IRAG2: variants seen among roughly 807,000 people sequenced by gnomAD.
IRAG2 encodes inositol 1,4,5-triphosphate receptor associated 2.
A neutral mutation model predicts 69.9 loss-of-function variants in IRAG2; 45 were observed. The observed-to-expected ratio is 0.64, with a 90% confidence interval of 0.51 to 0.83. IRAG2 has a LOEUF of 0.83. Ranked by LOEUF, IRAG2 falls within the 40% of genes least tolerant of loss-of-function variation. The pLI, the probability that IRAG2 is intolerant of heterozygous loss-of-function variation, is 0.00. For missense variants in IRAG2, 520 were observed against 587.0 expected (o/e 0.89, Z 1.18); for synonymous variants, 193 against 202.4 (o/e 0.95, Z 0.40).
At chr12:25,017,394 C>T (rs1366673746) in intron 6 of IRAG2, 3 of 1,035,200 alleles carry the variant, frequency 2.9e-6, no homozygotes, top group Non-Finnish European at 3.7e-6. Context: ...AAAATTCATT[C>T]TCTTAAAGTA....
intron 14 of IRAG2, 75 bp downstream of exon 14, chr12:25,090,272 C>T (rs1193168478): frequency 8.6e-6 from 12 of 1,394,762 alleles, no homozygotes; most frequent in Non-Finnish European, 1.2e-5. Flanking sequence ...AATCCCTGCA[C>T]TTTGGGAGGC....
intron 15 of IRAG2, chr12:25,097,335 C>T (rs1388135702): frequency 7.3e-5 from 15 of 204,620 alleles, no homozygotes; most frequent in Non-Finnish European, 1.4e-4. Context: ...GTGTTATAAT[C>T]TGCTTTTTAT....
Position 25,101,256 on chromosome 12 carries a change from G to C in IRAG2, c.820G>C (p.Ala274Pro), listed in dbSNP as rs750930511. 1.9e-6 allele frequency: 3 copies of C among 1,612,322 alleles called. No individual in the cohort carries two copies. The highest frequency in any genetic ancestry group is 1.7e-5 in the Admixed American group (1 of 59,926). Residue 274 changes from alanine to proline, a missense_variant, in exon 16 of 22, where the codon GCT (alanine) becomes CCT (proline). Physicochemically the swap from Ala to Pro is conservative, Grantham distance 27. Transcript: ENST00000556887. ...NLKRMYAKEH[A>P]ELEELKQVLL... is the part of the protein sequence containing the mutation. ...GAAGAGGATGTATGCCAAAGAGCAC[G>C]CTGAATTAGAAGAACTGAAACAGGT... is the stretch of plus-strand genomic sequence containing the variant.
chr12:25,089,633 TC>T lies in IRAG2; in HGVS notation c.395del (p.Pro132LeufsTer2). The T allele has an allele frequency of 6.3e-7, 1 of 1,599,962 alleles. No individual in the cohort carries two copies. The highest frequency in any genetic ancestry group is 8.6e-7 in the Non-Finnish European group (1 of 1,168,104). Reference protein sequence around the residue: ...ASGDSVVSPLPVTTVKSVNLR... With the variant: ...ASGDSVVSPLXVTTVKSVNLR... Reference sequence around the variant, plus strand: ...TAATAGACTCTGTGGTTTCCCCTCTTCCTGTAACCACTGTGAAATCGGTTAA... The same window carrying T: ...TAATAGACTCTGTGGTTTCCCCTCTTCTGTAACCACTGTGAAATCGGTTAA... On this transcript the variant is annotated frameshift_variant, in exon 12 of 22. Coordinates refer to ENST00000556887, the MANE Select transcript of IRAG2 (RefSeq NM_001366544.2). LOFTEE classifies it high-confidence loss of function.
intron 1 of IRAG2, among the ~76,000 whole-genome samples, chr12:25,060,365 C>T (rs1591969071): frequency 1.3e-5 from 2 of 152,064 alleles, no homozygotes; most frequent in East Asian, 3.9e-4. Context: ...GGTACTTTTC[C>T]CCCATTTCCA....
intron 15 of IRAG2, among the ~76,000 whole-genome samples, chr12:25,098,311 A>G (rs142301482): frequency 6.6e-6 from 1 of 152,118 alleles, no homozygotes; most frequent in Non-Finnish European, 1.5e-5. Flanking sequence ...TTAAATATCA[A>G]TTTCCCACCC....
intron 14 of IRAG2, among the ~76,000 whole-genome samples, chr12:25,036,379 T>C (rs1944702329): frequency 6.6e-6 from 1 of 152,196 alleles, no homozygotes; most frequent in South Asian, 2.1e-4. Flanking sequence ...CTGTATATAT[T>C]CAACATGTAT....
exon 4 of IRAG2, chr12:25,015,208 G>A (rs1944516884): frequency 8.7e-7 from 1 of 1,150,020 alleles, no homozygotes; most frequent in Non-Finnish European, 1.1e-6. Context: ...AGATTAAGCA[G>A]CATCATCGAT....
intron 14 of IRAG2, among the ~76,000 whole-genome samples, chr12:25,094,384 T>G (rs1458553915): frequency 6.6e-6 from 1 of 152,214 alleles, no homozygotes; most frequent in Admixed American, 6.5e-5. Context: ...TGGTTGAAGA[T>G]CATTTCATAT....
chr12:25,071,054 T>C (rs1215306527), intron 6 of IRAG2, among the ~76,000 whole-genome samples: 4 of 152,180 alleles, frequency 2.6e-5, no homozygotes, highest in Non-Finnish European at 5.9e-5. Context: ...ATTGTTTTTG[T>C]TCATAAATAC....
At chr12:25,030,934 A>G in intron 10 of IRAG2, 1 of 766,518 alleles carries the variant, frequency 1.3e-6, no homozygotes, top group Non-Finnish European at 1.6e-6. Flanking sequence ...TTGAAACCCA[A>G]TTTGATTGAT....
At chr12:25,075,427 C>A (rs1286492576) in intron 6 of IRAG2, among the ~76,000 whole-genome samples, 3 of 151,632 alleles carry the variant, frequency 2.0e-5, no homozygotes, top group Non-Finnish European at 1.5e-5. Context: ...TAAAATAATC[C>A]TGGGATATTA....
chr12:25,019,581 T>C (rs756438698), intron 6 of IRAG2, among the ~76,000 whole-genome samples: 13 of 152,140 alleles, frequency 8.5e-5, no homozygotes, highest in Non-Finnish European at 1.6e-4. Flanking sequence ...CTTCTCTCCT[T>C]CTCTTCCACA....
chr12:25,045,287 T>C (rs1384067396), intron 16 of IRAG2, among the ~76,000 whole-genome samples: 4 of 151,988 alleles, frequency 2.6e-5, no homozygotes, highest in East Asian at 1.9e-4. Flanking sequence ...TAAACACTTA[T>C]ACTAAAAAAG....
chr12:25,088,947 T>C (rs992657876), intron 11 of IRAG2, among the ~76,000 whole-genome samples: 7 of 152,224 alleles, frequency 4.6e-5, no homozygotes, highest in Non-Finnish European at 8.8e-5. Context: ...AAGATATCTT[T>C]ATCTTATCAA....
intron 20 of IRAG2, among the ~76,000 whole-genome samples, 185 bp downstream of exon 20, chr12:25,104,647 A>G (rs1158773301): frequency 6.6e-6 from 1 of 152,242 alleles, no homozygotes; most frequent in East Asian, 1.9e-4. Context: ...ATTCACTCTC[A>G]TAGCTCTCAG....
chr12:25,046,320 T>C (rs1346852554), intron 16 of IRAG2, among the ~76,000 whole-genome samples: 3 of 151,968 alleles, frequency 2.0e-5, no homozygotes, highest in Non-Finnish European at 4.4e-5. Context: ...ATGCTCACTC[T>C]CACCACTTCT....
upstream of IRAG2, among the ~76,000 whole-genome samples, chr12:25,049,235 T>C (rs1195137425): frequency 1.3e-5 from 2 of 152,244 alleles, no homozygotes; most frequent in South Asian, 2.1e-4. Flanking sequence ...GGGTTCTTTT[T>C]TGATTCCATA....
rs1378553014 is a variant in IRAG2, at chr12:25,090,147, G to A, written c.556G>A (p.Ala186Thr). The A allele has an allele frequency of 1.2e-6, 2 of 1,613,882 alleles. No individual in the cohort carries two copies. Among genetic ancestry groups the A allele is most frequent in the East Asian group, 2.2e-5 (1 of 44,890 alleles). The change falls in exon 14 of 22, where the codon GCA becomes ACA. Residue 186 changes from alanine (A) to threonine (T), a missense_variant. By Grantham distance (58) the Ala-to-Thr change is moderately conservative. Coordinates refer to ENST00000556887, the MANE Select transcript of IRAG2 (RefSeq NM_001366544.2). Reference sequence around the variant, plus strand: ...GCTTGAAGAGAGGTCCCGTGACTTGGCAGAAGAAAATTTGAAGAAAGAAAT... The same window carrying A: ...GCTTGAAGAGAGGTCCCGTGACTTGACAGAAGAAAATTTGAAGAAAGAAAT... ...VKLEERSRDL[A>T]EENLKKEITN...
Sources: allele counts gnomAD v4.1 joint callset (sites outside exome capture counted in the v4.1 genomes callset), GRCh38; gene constraint gnomAD v4.1.1; transcripts MANE v1.5; gene names NCBI Gene and HGNC (gene_info 2026-07-23, HGNC 2026-07-21).